NUP155: variants seen among roughly 807,000 people sequenced by gnomAD.
NUP155 encodes the protein nuclear pore complex protein Nup155.
In NUP155, 71 loss-of-function variants were observed where a neutral mutation model predicts 180.4. The ratio of observed to expected loss-of-function variants is 0.39; its 90% CI spans 0.33 to 0.48. The LOEUF is 0.48. NUP155 is among the 20% of genes least tolerant of loss of function. The probability of loss-of-function intolerance (pLI) is 0.91; values close to 1 mark genes in which losing one functional copy is unlikely to be tolerated. For synonymous variants in NUP155, 582 were observed against 559.5 expected, an observed-to-expected ratio of 1.04 and a Z score of -0.57; for missense variants, 1,553 against 1,648.9, an observed-to-expected ratio of 0.94 and a Z score of 1.01.
intron 12 of NUP155, among the ~76,000 whole-genome samples, chr5:37,337,437 C>T (rs1015838263): frequency 6.6e-6 from 1 of 151,306 alleles, no homozygotes; most frequent in African/African-American, 2.4e-5. Flanking sequence ...TAAGTCACAA[C>T]TGTAATAGAT....
intron 34 of NUP155, 136 bp downstream of exon 34, chr5:37,292,743 T>C: frequency 4.6e-6 from 3 of 649,406 alleles, no homozygotes; most frequent in East Asian, 2.7e-5. Context: ...TTTTCATACA[T>C]GGTGATCAAT....
chr5:37,313,498 T>C (rs866127748), intron 22 of NUP155, among the ~76,000 whole-genome samples: 7 of 148,968 alleles, frequency 4.7e-5, no homozygotes, highest in African/African-American at 1.8e-4. Flanking sequence ...TGTGTGTGTG[T>C]GTGTGTGAGA....
In NUP155 at chr5:37,290,235, T is replaced by G. The variant is rs1299522247; in HGVS notation, c.*1665A>C. ...GCTCACGTCTGTAATCTCAACACTT[T>G]GGGAGGTGGAGGCGGGCAGATCACT... On this transcript the variant is annotated 3_prime_UTR_variant, in exon 35 of 35. Transcript: ENST00000231498. 1 of 152,066 alleles carries G rather than the reference T, an allele frequency of 6.6e-6. No homozygotes were observed. Among genetic ancestry groups the G allele is most frequent in the South Asian group, 2.1e-4 (1 of 4,824 alleles). 9.4% of individuals were successfully genotyped at this position (152,066 alleles called of 1,614,324 possible). A position where few individuals can be genotyped will look rare whatever the true frequency, so the allele number is the denominator to read the frequency against.
intron 4 of NUP155, among the ~76,000 whole-genome samples, chr5:37,355,547 G>GTGTGTATA (rs977072922): frequency 3.4e-5 from 5 of 147,392 alleles, no homozygotes; most frequent in African/African-American, 1.3e-4. Context: ...GTGTGTGTGT[G>GTGTGTATA]TATATATATA....
intron 13 of NUP155, 78 bp from the exon 14 acceptor site, chr5:37,331,873 T>C: frequency 1.1e-6 from 1 of 885,288 alleles, no homozygotes; most frequent in Non-Finnish European, 1.9e-6. Flanking sequence ...CCTTATTTGA[T>C]AAAATAAATG....
chr5:37,300,322 A>G (rs1192157368), intron 30 of NUP155, among the ~76,000 whole-genome samples: 2 of 152,196 alleles, frequency 1.3e-5, no homozygotes, highest in African/African-American at 4.8e-5. Flanking sequence ...TTTAAAATAT[A>G]CAGTTATTAT....
intron 3 of NUP155, among the ~76,000 whole-genome samples, chr5:37,363,230 A>C (rs1251232473): frequency 6.6e-6 from 1 of 152,130 alleles, no homozygotes; most frequent in Non-Finnish European, 1.5e-5. Context: ...GTGTCTTTTT[A>C]ATGCACGTGT....
Position 37,352,777 on chromosome 5 carries a change from G to A in NUP155, c.516C>T (p.Asp172=), listed in dbSNP as rs1746550713. ...CATAGCTGAGTCCAAGAATTACTATGTCTACAGGGGTCGCCAAAACCAGGA... is the reference window on the plus strand; with the variant it reads ...CATAGCTGAGTCCAAGAATTACTATATCTACAGGGGTCGCCAAAACCAGGA... The part of the protein sequence containing the change: ...RHLLVLATPV[D]IVILGLSYAN... The change falls in exon 5 of 35, where the codon GAC becomes GAT. Residue 172 remains aspartate (D), a synonymous_variant. Coordinates refer to ENST00000231498, the MANE Select transcript of NUP155 (RefSeq NM_153485.3). 2 of 1,613,560 alleles carry A rather than the reference G, an allele frequency of 1.2e-6. No homozygotes were observed. The highest frequency in any genetic ancestry group is 4.5e-5 in the East Asian group (2 of 44,854).
intron 4 of NUP155, among the ~76,000 whole-genome samples, chr5:37,355,464 G>A (rs1338059427): frequency 6.6e-6 from 1 of 151,066 alleles, no homozygotes; most frequent in Non-Finnish European, 1.5e-5. Flanking sequence ...GCACCAAGGT[G>A]ACTCCACTGT....
chr5:37,315,197 A>T (rs973583426), intron 21 of NUP155, among the ~76,000 whole-genome samples: 1 of 152,166 alleles, frequency 6.6e-6, no homozygotes, highest in Non-Finnish European at 1.5e-5. Context: ...GTGCCAATGC[A>T]CTCCAGCCTC....
chr5:37,296,091 G>A (rs531412303), intron 32 of NUP155, among the ~76,000 whole-genome samples: 6,547 of 149,456 alleles, frequency 0.044, 372 homozygotes, highest in African/African-American at 0.15. Context: ...CGCCCCGTCC[G>A]GGAGGTGAGG....
At chr5:37,309,376 T>A in intron 23 of NUP155, 109 bp from the exon 24 acceptor site, 1 of 905,040 alleles carries the variant, frequency 1.1e-6, no homozygotes, top group Non-Finnish European at 1.7e-6. Context: ...TTATTACCAT[T>A]AAAATGAAAA....
chr5:37,333,778 T>C (rs1308071012), intron 12 of NUP155, 145 bp from the exon 13 acceptor site: 4 of 692,804 alleles, frequency 5.8e-6, no homozygotes, highest in Non-Finnish European at 9.6e-6. Flanking sequence ...TTTTCTACTA[T>C]CTTTTTTTTA....
chr5:37,357,505 T>A (rs535712996), intron 4 of NUP155, among the ~76,000 whole-genome samples: 2 of 150,776 alleles, frequency 1.3e-5, no homozygotes, highest in East Asian at 1.9e-4. Context: ...AAATCTATAG[T>A]GCAAAACCTT....
At chr5:37,324,239 T>G in intron 19 of NUP155, 132 bp from the exon 20 acceptor site, 1 of 687,956 alleles carries the variant, frequency 1.5e-6, no homozygotes, top group South Asian at 1.6e-5. Context: ...TTGATCCGAA[T>G]AAAGTATACC....
chr5:37,356,633 CTG>C (rs2111649863), intron 4 of NUP155, among the ~76,000 whole-genome samples: 1 of 151,798 alleles, frequency 6.6e-6, no homozygotes, highest in East Asian at 1.9e-4. Context: ...GAGTGAGACT[CTG>C]TAACAGAAAA....
intron 27 of NUP155, 45 bp downstream of exon 27, chr5:37,304,694 G>A (rs765462033): frequency 3.9e-6 from 5 of 1,289,170 alleles, no homozygotes; most frequent in Non-Finnish European, 5.6e-6. Flanking sequence ...ATTGAGTTAT[G>A]CTCCTTAAGA....
At chr5:37,360,328 A>G (rs1051371536) in intron 3 of NUP155, among the ~76,000 whole-genome samples, 12 of 151,798 alleles carry the variant, frequency 7.9e-5, no homozygotes, top group Non-Finnish European at 1.6e-4. Context: ...CTAAAATACA[A>G]AAAAAAATTA....
At position 37,350,235 on chromosome 5, in the gene NUP155, T is replaced by C. The variant is rs1184252699; in HGVS notation, c.754A>G (p.Arg252Gly). ...AEAGWFSQRCRKINHSKSSLS... is the reference protein window; with the variant it reads ...AEAGWFSQRCGKINHSKSSLS... ...GAGCTCTTTGAGTGGTTTATTTTCC[T>C]ACATCTTTGGCTAAACCACCCTGCT... Residue 252 changes from arginine (R) to glycine (G), a missense_variant, in exon 7 of 35, where the codon AGG (arginine) becomes GGG (glycine). Arg to Gly is a moderately radical substitution (Grantham distance 125). Coordinates refer to ENST00000231498, the MANE Select transcript of NUP155 (RefSeq NM_153485.3). 10 of 1,613,878 alleles carry C rather than the reference T, an allele frequency of 6.2e-6. No homozygotes were observed. Among genetic ancestry groups the C allele is most frequent in the Non-Finnish European group, 7.6e-6 (9 of 1,179,860 alleles).
Sources: gnomAD v4.1 joint callset for allele counts (sites outside exome capture counted in the v4.1 genomes callset) on GRCh38, gnomAD v4.1.1 for gene constraint, MANE v1.5 for transcripts, NCBI Gene and HGNC (gene_info 2026-07-23, HGNC 2026-07-21) for gene names.